The following CEP83 variants were observed in gnomAD, a reference collection of about 807,000 sequenced individuals.
CEP83 encodes centrosomal protein of 83 kDa.
A neutral mutation model predicts 101.9 loss-of-function variants in CEP83; 70 were observed. The observed-to-expected ratio is 0.69, with a 90% CI of 0.57 to 0.84. The LOEUF is 0.84. Ranked by LOEUF, CEP83 falls within the 40% of genes least tolerant of loss-of-function variation. CEP83 has a pLI of 0.00. For missense variants in CEP83, 715 were observed against 787.2 expected, an observed-to-expected ratio of 0.91 and a Z score of 1.10; for synonymous variants, 264 against 267.9, an observed-to-expected ratio of 0.99 and a Z score of 0.14.
the CEP83 span, among the ~76,000 whole-genome samples, chr12:94,288,836 A>G: frequency 6.6e-6 from 1 of 152,224 alleles, no homozygotes; most frequent in South Asian, 2.1e-4. Flanking sequence ...TTCACGTAAT[A>G]TTGTTTCAGC....
intron 6 of CEP83, among the ~76,000 whole-genome samples, chr12:94,390,128 A>T (rs2062426934): frequency 6.6e-6 from 1 of 152,222 alleles, no homozygotes; most frequent in Non-Finnish European, 1.5e-5. Flanking sequence ...CTCCCAGCAT[A>T]GCATTTGAGC....
At chr12:94,414,622 C>T (rs1040746150) in intron 2 of CEP83, among the ~76,000 whole-genome samples, 1 of 152,168 alleles carries the variant, frequency 6.6e-6, no homozygotes, top group Admixed American at 6.5e-5. Context: ...TTTCCATGCA[C>T]TGAGAAACCA....
chr12:94,303,734 T>TC, downstream of CEP83: 1 of 751,142 alleles, frequency 1.3e-6, no homozygotes, highest in Non-Finnish European at 1.7e-6. Flanking sequence ...GATGGTTGCT[T>TC]TTTTTTTTTT....
At chr12:94,267,532 T>C in the CEP83 span, among the ~76,000 whole-genome samples, 1 of 152,150 alleles carries the variant, frequency 6.6e-6, no homozygotes, top group South Asian at 2.1e-4. Flanking sequence ...TCCACATAAA[T>C]CTTCCTTTTC....
At chr12:94,416,101 T>C (rs967046092) in intron 2 of CEP83, among the ~76,000 whole-genome samples, 25 of 152,140 alleles carry the variant, frequency 1.6e-4, no homozygotes, top group African/African-American at 6.0e-4. Flanking sequence ...AAATAACTTA[T>C]GAATCAAAGA....
downstream of CEP83, chr12:94,304,246 C>G (rs1380502781): frequency 6.2e-6 from 3 of 480,306 alleles, no homozygotes; most frequent in African/African-American, 5.9e-5. Context: ...TTTTATCATG[C>G]TGCCCACATT....
At chr12:94,300,103 C>G in the CEP83 span, among the ~76,000 whole-genome samples, 1 of 152,142 alleles carries the variant, frequency 6.6e-6, no homozygotes, top group Non-Finnish European at 1.5e-5. Flanking sequence ...CTACTATGGG[C>G]CAAGCAGTTA....
intron 11 of CEP83, among the ~76,000 whole-genome samples, chr12:94,348,831 C>T (rs1024770632): frequency 6.6e-6 from 1 of 152,202 alleles, no homozygotes; most frequent in South Asian, 2.1e-4. Context: ...TGCCACACAA[C>T]CAATGCGTCA....
intron 11 of CEP83, among the ~76,000 whole-genome samples, chr12:94,362,409 C>G (rs2060812372): frequency 1.3e-5 from 2 of 152,132 alleles, no homozygotes; most frequent in Non-Finnish European, 2.9e-5. Flanking sequence ...CACTTGAGGT[C>G]AAGAGTTGGA....
At chr12:94,337,785 G>A (rs903052350) in intron 11 of CEP83, among the ~76,000 whole-genome samples, 1 of 152,166 alleles carries the variant, frequency 6.6e-6, no homozygotes, top group Non-Finnish European at 1.5e-5. Flanking sequence ...GAAGAGTATA[G>A]AGGAAGTAGA....
At chr12:94,314,602 T>G (rs1393022752) in intron 14 of CEP83, among the ~76,000 whole-genome samples, 1 of 152,202 alleles carries the variant, frequency 6.6e-6, no homozygotes, top group Non-Finnish European at 1.5e-5. Flanking sequence ...GTATATTCAC[T>G]CAGTACACCG....
the CEP83 span, chr12:94,279,660 G>A: frequency 1.9e-6 from 3 of 1,613,450 alleles, no homozygotes; most frequent in Non-Finnish European, 2.5e-6. Context: ...GTAAGGCGGT[G>A]CGGGAGCTAT....
intron 11 of CEP83, among the ~76,000 whole-genome samples, chr12:94,356,284 G>A (rs934063040): frequency 1.3e-5 from 2 of 152,210 alleles, no homozygotes; most frequent in Non-Finnish European, 2.9e-5. Context: ...TGATAACAAG[G>A]AGGAACAAGA....
intron 11 of CEP83, among the ~76,000 whole-genome samples, chr12:94,352,128 A>G (rs2060225738): frequency 6.6e-6 from 1 of 152,222 alleles, no homozygotes; most frequent in Non-Finnish European, 1.5e-5. Context: ...GGACACAAGA[A>G]ACATGAAAAA....
Position 94,308,904 on chromosome 12 carries a change from T to C in CEP83, c.2015A>G (p.Gln672Arg). The C allele has an allele frequency of 6.2e-7, 1 of 1,610,254 alleles. No individual in the cohort carries two copies. The highest frequency in any genetic ancestry group is 8.5e-7 in the Non-Finnish European group (1 of 1,176,708). The change falls in exon 17 of 17, where the codon CAA becomes CGA. Residue 672 changes from glutamine to arginine, a missense_variant. Physicochemically the swap from Gln to Arg is conservative, Grantham distance 43 (BLOSUM62 1). Coordinates refer to ENST00000397809, the MANE Select transcript of CEP83 (RefSeq NM_016122.3). The stretch of plus-strand genomic sequence containing the variant: ...TTTGCGAAGTAGAGAGAGTTCCCTT[T>C]GATGTTGTTCCTCCTTAAAATGATG... ...FPPHMQEEQHQRELSLLRKRL... is the reference protein window; with the variant it reads ...FPPHMQEEQHRRELSLLRKRL...
chr12:94,309,009 A>T (rs1565884795), intron 16 of CEP83, 92 bp from the exon 17 acceptor site: 3 of 792,958 alleles, frequency 3.8e-6, no homozygotes, highest in Admixed American at 2.0e-5. Context: ...ATATGCCTAT[A>T]ACATCTGGCA....
chr12:94,289,635 ACT>A, the CEP83 span, among the ~76,000 whole-genome samples: 1 of 151,954 alleles, frequency 6.6e-6, no homozygotes. Flanking sequence ...TCTTTTTAAC[ACT>A]CTGCATTCCA....
At chr12:94,425,764 C>T (rs2065146512) in intron 2 of CEP83, among the ~76,000 whole-genome samples, 1 of 152,180 alleles carries the variant, frequency 6.6e-6, no homozygotes, top group African/African-American at 2.4e-5. Context: ...AGAACCATCA[C>T]AGCAAAGAAT....
At chr12:94,333,045 C>CAAAAAA (rs34900007) in intron 13 of CEP83, among the ~76,000 whole-genome samples, 46 of 73,116 alleles carry the variant, frequency 6.3e-4, no homozygotes, top group South Asian at 1.4e-3. Context: ...ATTTTAAGAC[C>CAAAAAA]AAAAAAAAAA....
Sources: allele counts gnomAD v4.1 joint callset (sites outside exome capture counted in the v4.1 genomes callset), GRCh38; gene constraint gnomAD v4.1.1; transcripts MANE v1.5; gene names NCBI Gene and HGNC (gene_info 2026-07-23, HGNC 2026-07-21).